The following ATP6V1H variants were observed in gnomAD, a reference collection of about 807,000 sequenced individuals.
ATP6V1H encodes the protein V-type proton ATPase subunit H.
A neutral mutation model predicts 71.7 loss-of-function variants in ATP6V1H; 39 were observed. That is an observed-to-expected ratio of 0.54 (90% CI 0.42 to 0.71). The LOEUF (loss-of-function observed/expected upper bound fraction) is 0.71. Among genes scored for constraint, ATP6V1H ranks in the 30% least tolerant of loss-of-function variants. The pLI is 0.00. For synonymous variants in ATP6V1H, 192 were observed against 199.3 expected (o/e 0.96, Z 0.31); for missense variants, 509 against 594.9 (o/e 0.86, Z 1.50).
chr8:53,726,239 A>G (rs888907323), intron 13 of ATP6V1H, among the ~76,000 whole-genome samples: 3 of 152,192 alleles, frequency 2.0e-5, no homozygotes, highest in Admixed American at 2.0e-4. Context: ...CCCATACTTT[A>G]TATTTGCTCT....
At chr8:53,749,920 G>A (rs553251855) in intron 12 of ATP6V1H, among the ~76,000 whole-genome samples, 1 of 152,282 alleles carries the variant, frequency 6.6e-6, no homozygotes, top group Admixed American at 6.5e-5. Context: ...TTAATCATCA[G>A]GGTGTGATTT....
chr8:53,763,719 C>CA (rs1164324295), intron 11 of ATP6V1H, among the ~76,000 whole-genome samples: 1 of 151,932 alleles, frequency 6.6e-6, no homozygotes, highest in Non-Finnish European at 1.5e-5. Flanking sequence ...AAATGCTGAA[C>CA]AAAACAAGTC....
chr8:53,841,376 G>C (rs777837675), intron 2 of ATP6V1H, among the ~76,000 whole-genome samples: 1 of 152,010 alleles, frequency 6.6e-6, no homozygotes, highest in African/African-American at 2.4e-5. Flanking sequence ...ACCATAAGCC[G>C]CTCTGCTTCC....
chr8:53,774,411 T>C (rs558045927), intron 9 of ATP6V1H, among the ~76,000 whole-genome samples: 72 of 152,354 alleles, frequency 4.7e-4, no homozygotes, highest in African/African-American at 1.5e-3. Flanking sequence ...CAGTTTGAAC[T>C]GTTATCTTAA....
chr8:53,807,139 C>G (rs1810103876), intron 7 of ATP6V1H, among the ~76,000 whole-genome samples: 1 of 152,182 alleles, frequency 6.6e-6, no homozygotes, highest in Non-Finnish European at 1.5e-5. Flanking sequence ...GACTTATAAT[C>G]AAAGCAGTAA....
chr8:53,822,383 C>T (rs1810691024), intron 4 of ATP6V1H, among the ~76,000 whole-genome samples: 1 of 151,680 alleles, frequency 6.6e-6, no homozygotes, highest in African/African-American at 2.4e-5. Context: ...AAAAAATAGC[C>T]ACTAAAAAAT....
intron 4 of ATP6V1H, among the ~76,000 whole-genome samples, chr8:53,827,573 C>A (rs1393506053): frequency 1.3e-5 from 2 of 151,896 alleles, no homozygotes; most frequent in African/African-American, 2.4e-5. Flanking sequence ...ATACTGAACT[C>A]CAGGTAAAAG....
At chr8:53,841,068 AT>A (rs1811327109) in intron 2 of ATP6V1H, among the ~76,000 whole-genome samples, 1 of 152,164 alleles carries the variant, frequency 6.6e-6, no homozygotes, top group Non-Finnish European at 1.5e-5. Flanking sequence ...CCCATTTCAC[AT>A]TTTACTTTAT....
Position 53,754,073 on chromosome 8 carries a change from C to T in ATP6V1H, c.1277+2482G>A, listed in dbSNP as rs564476304. On this transcript the variant is annotated intron_variant, in intron 12 of 13. Transcript: ENST00000359530. Reference sequence around the variant, plus strand: ...CCTGCACACTGCGCATAAGAGGAACCCTGAACTTAGAGAAACCCCAATCTC... The same window carrying T: ...CCTGCACACTGCGCATAAGAGGAACTCTGAACTTAGAGAAACCCCAATCTC... Among the ~76,000 whole-genome samples, 34 of 152,228 alleles carry T rather than the reference C, an allele frequency of 2.2e-4. No individual in the cohort carries two copies. The South Asian group carries it at 7.0e-3, about 32-fold the overall frequency.
chr8:53,826,021 T>C (rs1335289215), intron 4 of ATP6V1H, among the ~76,000 whole-genome samples: 1 of 152,114 alleles, frequency 6.6e-6, no homozygotes, highest in African/African-American at 2.4e-5. Context: ...ATGCCTAATA[T>C]ATAAAGAACT....
chr8:53,792,585 T>C (rs958985526), intron 9 of ATP6V1H, among the ~76,000 whole-genome samples: 1 of 152,190 alleles, frequency 6.6e-6, no homozygotes, highest in African/African-American at 2.4e-5. Context: ...AGTCTTAAGG[T>C]TCCTGAGAAA....
intron 4 of ATP6V1H, among the ~76,000 whole-genome samples, chr8:53,819,146 C>T (rs1041066549): frequency 3.9e-5 from 6 of 152,080 alleles, no homozygotes; most frequent in African/African-American, 1.4e-4. Context: ...TTCGAGGCTG[C>T]AGTGAGCTGT....
intron 13 of ATP6V1H, among the ~76,000 whole-genome samples, chr8:53,718,685 GGCCA>G (rs1563433954): frequency 1.3e-5 from 2 of 152,106 alleles, no homozygotes; most frequent in Admixed American, 1.3e-4. Flanking sequence ...CACCATACCC[GGCCA>G]GGCTCACTCT....
At chr8:53,821,137 G>A (rs549505549) in intron 4 of ATP6V1H, among the ~76,000 whole-genome samples, 52 of 151,252 alleles carry the variant, frequency 3.4e-4, no homozygotes, top group Admixed American at 9.9e-4. Flanking sequence ...TTGGGAGGCC[G>A]AGGCAGGTGG....
chr8:53,734,745 G>A (rs1187184159), intron 13 of ATP6V1H, among the ~76,000 whole-genome samples: 1 of 152,178 alleles, frequency 6.6e-6, no homozygotes, highest in African/African-American at 2.4e-5. Flanking sequence ...CTGACTCAGA[G>A]GCTCGGAAAG....
intron 13 of ATP6V1H, among the ~76,000 whole-genome samples, chr8:53,716,943 G>A (rs948364832): frequency 2.6e-5 from 4 of 152,196 alleles, no homozygotes; most frequent in Admixed American, 2.6e-4. Flanking sequence ...CATGAGTTTT[G>A]GAATAGAGAC....
intron 13 of ATP6V1H, among the ~76,000 whole-genome samples, chr8:53,723,408 C>G (rs566664893): frequency 1.3e-5 from 2 of 152,278 alleles, no homozygotes; most frequent in South Asian, 4.1e-4. Flanking sequence ...TCTTTTCCCT[C>G]TAGTCTTTTA....
chr8:53,790,381 T>C (rs1021989042), intron 9 of ATP6V1H, among the ~76,000 whole-genome samples: 1 of 151,958 alleles, frequency 6.6e-6, no homozygotes, highest in African/African-American at 2.4e-5. Context: ...CTGAAGTAAG[T>C]TTACCATGAC....
At chr8:53,755,471 C>G (rs533772966) in intron 12 of ATP6V1H, among the ~76,000 whole-genome samples, 6 of 136,906 alleles carry the variant, frequency 4.4e-5, no homozygotes, top group Middle Eastern at 3.9e-3. Context: ...AAGCACTAAC[C>G]AAGCAGCCCT....
Sources: gnomAD v4.1 joint callset for allele counts (sites outside exome capture counted in the v4.1 genomes callset) on GRCh38, gnomAD v4.1.1 for gene constraint, MANE v1.5 for transcripts, NCBI Gene and HGNC (gene_info 2026-07-23, HGNC 2026-07-21) for gene names.